Variants in WDR7 observed in about 807,000 individuals in gnomAD.
The protein encoded by WDR7 is WD repeat domain 7.
Under a neutral mutation model 169.4 loss-of-function variants are expected in WDR7, and 46 were observed. That is an observed-to-expected ratio of 0.27 (90% CI 0.21 to 0.35). WDR7 has a LOEUF of 0.35. Ranked by LOEUF, WDR7 falls within the 10% of genes least tolerant of loss-of-function variation. The pLI is 1.00. For synonymous variants in WDR7, 612 were observed against 666.8 expected (o/e 0.92, Z 1.27); for missense variants, 1,534 against 1,859.3 (o/e 0.83, Z 3.22).
intron 26 of WDR7, among the ~76,000 whole-genome samples, chr18:57,003,284 T>A (rs2048008584): frequency 2.0e-5 from 3 of 152,108 alleles, no homozygotes; most frequent in Admixed American, 2.0e-4. Flanking sequence ...ACAAAGCTAT[T>A]ATCAATTTAA....
chr18:57,017,514 T>TGTGTGTGTGA lies in WDR7; in HGVS notation c.4165-3224_4165-3223insTGAGTGTGTG, dbSNP rs1205794614. On this transcript the variant is annotated intron_variant, in intron 26 of 27. Transcript: ENST00000254442. ...GTGTGTGTGTGTGTGTGTGTGTGTGTGTGTGTGATGTTCTGATCCAAGATG... is the reference window on the plus strand; with the variant it reads ...GTGTGTGTGTGTGTGTGTGTGTGTGTGTGTGTGTGAGTGTGTGATGTTCTGATCCAAGATG... Among the ~76,000 whole-genome samples, 5 of 149,926 alleles carry TGTGTGTGTGA rather than the reference T, an allele frequency of 3.3e-5. No homozygotes were observed. The East Asian group carries it at 9.7e-4, about 29-fold the overall frequency.
rs137942034 is a variant in WDR7 at position 56,743,836 on chromosome 18, A to G, written c.1989+12239A>G. ...TCTCGATCAGGATAGGGAGGAATTG[A>G]TAATTGATGAAGCTAGGTTTCCAGG... On this transcript the variant is annotated intron_variant, in intron 14 of 27. Coordinates refer to ENST00000254442, the MANE Select transcript of WDR7 (RefSeq NM_015285.3). Among the ~76,000 whole-genome samples the G allele has an allele frequency of 4.8e-4, 73 of 152,282 alleles. 1 individual carries two copies. The East Asian group carries it at 0.012, about 26-fold the overall frequency.
At chr18:56,753,634 A>G (rs1478484050) in intron 14 of WDR7, among the ~76,000 whole-genome samples, 1 of 135,470 alleles carries the variant, frequency 7.4e-6, no homozygotes, top group African/African-American at 2.7e-5. Flanking sequence ...CAACTGACAA[A>G]TTGTCAATTG....
intron 12 of WDR7, among the ~76,000 whole-genome samples, chr18:56,710,385 T>A (rs948580797): frequency 2.6e-5 from 4 of 152,196 alleles, no homozygotes; most frequent in African/African-American, 9.6e-5. Context: ...TAGATACAGT[T>A]TCCTGTGCAT....
At chr18:56,742,159 A>T (rs540042106) in intron 14 of WDR7, among the ~76,000 whole-genome samples, 1 of 152,350 alleles carries the variant, frequency 6.6e-6, no homozygotes, top group East Asian at 1.9e-4. Flanking sequence ...TTAAGAAGAA[A>T]TATAGATTAT....
chr18:56,980,649 A>G (rs1000987524), intron 26 of WDR7, among the ~76,000 whole-genome samples: 1 of 152,248 alleles, frequency 6.6e-6, no homozygotes, highest in African/African-American at 2.4e-5. Flanking sequence ...TGCAACAGGG[A>G]GAACTAAAAG....
At chr18:56,772,301 G>A (rs1373555339) in intron 16 of WDR7, among the ~76,000 whole-genome samples, 2 of 152,124 alleles carry the variant, frequency 1.3e-5, no homozygotes, top group Non-Finnish European at 1.5e-5. Context: ...CAGGAACTGG[G>A]AAACCCATTG....
intron 20 of WDR7, among the ~76,000 whole-genome samples, chr18:56,818,766 A>G (rs2045028765): frequency 6.6e-6 from 1 of 152,178 alleles, no homozygotes; most frequent in Admixed American, 6.5e-5. Context: ...ATTCAAGCAC[A>G]ATAATCTTGT....
At chr18:56,705,990 G>T (rs2511044) in intron 12 of WDR7, among the ~76,000 whole-genome samples, 138,937 of 151,906 alleles carry the variant, frequency 0.91, 64,719 homozygotes, top group East Asian at 1. Context: ...AGAGGGAGAT[G>T]CCGTCTCAAA....
At position 56,974,784 on chromosome 18, in the gene WDR7, C is replaced by A. The variant is rs140857561; in HGVS notation, c.4164+12255C>A. On this transcript the variant is annotated intron_variant, in intron 26 of 27. Transcript: ENST00000254442. ...CACTATGAAATGCAAAAGGGAACGA[C>A]TACCTGGGTGGGCAAGGTATTTACA... Among the ~76,000 whole-genome samples the A allele has an allele frequency of 8.5e-5, 13 of 152,302 alleles. No individual in the cohort carries two copies. In the East Asian group the frequency reaches 2.3e-3, roughly 27 times the overall value.
At chr18:56,697,969 G>A (rs1180584268) in intron 12 of WDR7, among the ~76,000 whole-genome samples, 5 of 152,064 alleles carry the variant, frequency 3.3e-5, no homozygotes, top group East Asian at 1.9e-4. Flanking sequence ...TGAGGCAGGC[G>A]TATCACCTGA....
At chr18:56,800,227 A>G (rs761675858) in intron 19 of WDR7, among the ~76,000 whole-genome samples, 2 of 152,164 alleles carry the variant, frequency 1.3e-5, no homozygotes, top group African/African-American at 2.4e-5. Context: ...TTCATTCTCT[A>G]AATCATTGGT....
intron 26 of WDR7, among the ~76,000 whole-genome samples, chr18:56,973,501 G>T (rs954157447): frequency 6.6e-6 from 1 of 151,876 alleles, no homozygotes; most frequent in Admixed American, 6.6e-5. Context: ...TGTGGGGGGG[G>T]TGTATTCCAC....
At chr18:56,815,180 T>C (rs550883556) in intron 19 of WDR7, among the ~76,000 whole-genome samples, 337 of 152,328 alleles carry the variant, frequency 2.2e-3, no homozygotes, top group Non-Finnish European at 3.3e-3. Flanking sequence ...GTTATTGATA[T>C]CCTTTTAAGA....
chr18:56,944,699 C>T (rs184002880), intron 25 of WDR7, among the ~76,000 whole-genome samples: 16 of 152,232 alleles, frequency 1.1e-4, no homozygotes, highest in Admixed American at 5.9e-4. Flanking sequence ...TGGTTTAGAG[C>T]GCATACCAGT....
At position 56,916,859 on chromosome 18, in the gene WDR7, C is replaced by G. The variant is rs141816143; in HGVS notation, c.3527-7063C>G. ...CAGGTAGATCATGAGGTCAGGAGTTCCAGACCAGCCTGGCCAACATGGTGA... is the reference window on the plus strand; with the variant it reads ...CAGGTAGATCATGAGGTCAGGAGTTGCAGACCAGCCTGGCCAACATGGTGA... On this transcript the variant is annotated intron_variant, in intron 21 of 27. Transcript: ENST00000254442. 3.8e-3 allele frequency among the ~76,000 whole-genome samples: 581 copies of G among 152,200 alleles called. 3 individuals carry two copies. The highest frequency in any genetic ancestry group is 0.013 in the African/African-American group (556 of 41,534).
intron 21 of WDR7, among the ~76,000 whole-genome samples, chr18:56,885,091 A>G (rs2046167875): frequency 6.6e-6 from 1 of 152,194 alleles, no homozygotes; most frequent in African/African-American, 2.4e-5. Context: ...GAAGGGGGAG[A>G]GCAGTACATC....
At chr18:56,903,163 C>T (rs1286251390) in intron 21 of WDR7, among the ~76,000 whole-genome samples, 2 of 152,106 alleles carry the variant, frequency 1.3e-5, no homozygotes, top group Admixed American at 6.5e-5. Flanking sequence ...TAGAGAGTAC[C>T]TCATCAACCG....
At chr18:56,699,808 A>T in intron 12 of WDR7, 1 of 985,430 alleles carries the variant, frequency 1.0e-6, no homozygotes, top group Non-Finnish European at 1.2e-6. Context: ...GTAAACAAAA[A>T]GTGAAAAACT....
Sources: gnomAD v4.1 joint callset for allele counts (sites outside exome capture counted in the v4.1 genomes callset) on GRCh38, gnomAD v4.1.1 for gene constraint, MANE v1.5 for transcripts, NCBI Gene and HGNC (gene_info 2026-07-23, HGNC 2026-07-21) for gene names.